TMEM62: variants seen among roughly 807,000 people sequenced by gnomAD.
TMEM62 encodes the protein transmembrane protein 62.
A neutral mutation model predicts 70.4 loss-of-function variants in TMEM62; 41 were observed. The ratio of observed to expected loss-of-function variants is 0.58; its 90% confidence interval spans 0.45 to 0.76. The LOEUF is 0.76. Among genes scored for constraint, TMEM62 ranks in the 30% least tolerant of loss-of-function variants. The probability of loss-of-function intolerance (pLI) is 0.00; values close to 1 mark genes in which losing one functional copy is unlikely to be tolerated. For missense variants in TMEM62, 688 were observed against 788.5 expected (o/e 0.87, Z 1.53); for synonymous variants, 268 against 291.0 (o/e 0.92, Z 0.80).
Position 43,149,020 on chromosome 15 carries a change from A to G in TMEM62, c.744-9A>G, listed in dbSNP as rs1335378982. ...TGTTCATTTATTTCATTTATTTTTC[A>G]TTGGTTAGTTCGGCTATAGCTTATT... is the stretch of plus-strand genomic sequence containing the variant. On this transcript the variant is annotated splice_polypyrimidine_tract_variant and intron_variant, in intron 6 of 13. Coordinates refer to ENST00000260403, the MANE Select transcript of TMEM62 (RefSeq NM_024956.4). 6.2e-7 allele frequency: 1 copy of G among 1,612,346 alleles called. No homozygotes were observed. The highest frequency in any genetic ancestry group is 8.5e-7 in the Non-Finnish European group (1 of 1,179,414).
At chr15:43,165,453 G>T (rs1217995500) in intron 10 of TMEM62, among the ~76,000 whole-genome samples, 2 of 152,044 alleles carry the variant, frequency 1.3e-5, no homozygotes, top group Non-Finnish European at 2.9e-5. Context: ...GTGATAGGAG[G>T]CTGGGTGCGG....
chr15:43,135,572 G>C lies in TMEM62; in HGVS notation c.353G>C (p.Trp118Ser). The C allele has an allele frequency of 1.9e-6, 3 of 1,611,818 alleles. No homozygotes were observed. The highest frequency in any genetic ancestry group is 2.5e-6 in the Non-Finnish European group (3 of 1,179,598). The change falls in exon 3 of 14, where the codon TGG (tryptophan) becomes TCG (serine). Residue 118 changes from tryptophan (W) to serine (S), a missense_variant. Physicochemically the swap from Trp to Ser is radical, Grantham distance 177. Coordinates refer to ENST00000260403, the MANE Select transcript of TMEM62 (RefSeq NM_024956.4). ...GGATCCAGGCAGCATGAGGTAGAAT[G>C]GCAAACCTACCAGGGTATTCTGAAG... Reference protein sequence around the residue: ...QLGSRQHEVEWQTYQGILKKT... With the variant: ...QLGSRQHEVESQTYQGILKKT...
intron 4 of TMEM62, among the ~76,000 whole-genome samples, chr15:43,145,719 C>T (rs2036587533): frequency 6.6e-6 from 1 of 152,124 alleles, no homozygotes; most frequent in Admixed American, 6.5e-5. Flanking sequence ...AGGTAAAAAT[C>T]ATGTAAGACA....
Position 43,167,875 on chromosome 15 carries a change from A to G in TMEM62, c.1297-1718A>G, listed in dbSNP as rs2039708562. 3.9e-5 allele frequency among the ~76,000 whole-genome samples: 6 copies of G among 152,246 alleles called. No homozygotes were observed. The Middle Eastern group carries it at 0.014, about 345-fold the overall frequency. ...ACGAGACTCCGTCTGCAATCCCGGC[A>G]CCTCGGGAGGCCGAGGCTGGCGGAT... On this transcript the variant is annotated intron_variant, in intron 10 of 13. Coordinates refer to ENST00000260403, the MANE Select transcript of TMEM62 (RefSeq NM_024956.4).
intron 4 of TMEM62, among the ~76,000 whole-genome samples, chr15:43,145,298 G>A (rs564592618): frequency 6.7e-6 from 1 of 149,640 alleles, no homozygotes; most frequent in Non-Finnish European, 1.5e-5. Flanking sequence ...TCCGCCTCCC[G>A]GGTTCAAGCC....
chr15:43,143,659 G>A (rs2141581114), intron 4 of TMEM62, among the ~76,000 whole-genome samples: 1 of 152,294 alleles, frequency 6.6e-6, no homozygotes, highest in South Asian at 2.1e-4. Flanking sequence ...TGGCTGGAGA[G>A]CCCAGTTAGT....
At chr15:43,156,636 A>AAT (rs1567205537) in intron 9 of TMEM62, among the ~76,000 whole-genome samples, 1 of 152,152 alleles carries the variant, frequency 6.6e-6, no homozygotes, top group African/African-American at 2.4e-5. Flanking sequence ...AGAAAAAAAA[A>AAT]CCATAGCTTA....
chr15:43,138,205 G>T (rs748196387), intron 3 of TMEM62, among the ~76,000 whole-genome samples: 1 of 152,148 alleles, frequency 6.6e-6, no homozygotes, highest in African/African-American at 2.4e-5. Context: ...TAGCCATACT[G>T]GTTCTAGGAG....
At chr15:43,169,548 G>A (rs762236417) in intron 10 of TMEM62, 45 bp from the exon 11 acceptor site, 2 of 1,506,770 alleles carry the variant, frequency 1.3e-6, no homozygotes, top group South Asian at 1.2e-5. Flanking sequence ...TTAACTGAAA[G>A]TGTACCCATG....
At chr15:43,144,132 G>C (rs907582114) in intron 4 of TMEM62, among the ~76,000 whole-genome samples, 1 of 152,224 alleles carries the variant, frequency 6.6e-6, no homozygotes, top group East Asian at 1.9e-4. Flanking sequence ...GAAGCAAAAA[G>C]TGTGTCCAAT....
chr15:43,181,184 C>CAT lies in TMEM62; in HGVS notation c.1491_1492dup (p.Trp498TyrfsTer31), dbSNP rs750762715. 3 of 1,607,854 alleles carry CAT rather than the reference C, an allele frequency of 1.9e-6. No homozygotes were observed. The South Asian group carries it at 3.3e-5, about 18-fold the overall frequency. ...TTTTGTCCATTGCCTCTTTTAGGTC[C>CAT]ATGGTTTTTTGGTGAAATCATTGAT... On this transcript the variant is annotated frameshift_variant, in exon 13 of 14. Coordinates refer to ENST00000260403, the MANE Select transcript of TMEM62 (RefSeq NM_024956.4). LOFTEE classifies it high-confidence loss of function.
intron 10 of TMEM62, among the ~76,000 whole-genome samples, chr15:43,161,803 G>A (rs2038735524): frequency 6.6e-6 from 1 of 152,050 alleles, no homozygotes; most frequent in Admixed American, 6.5e-5. Context: ...TGGGATTACA[G>A]GTGCCTGCCA....
chr15:43,164,033 C>T (rs1271425191), intron 10 of TMEM62, among the ~76,000 whole-genome samples: 3 of 152,006 alleles, frequency 2.0e-5, no homozygotes, highest in African/African-American at 7.2e-5. Flanking sequence ...TTTTTTTATT[C>T]TTATAGAACT....
intron 10 of TMEM62, 102 bp from the exon 11 acceptor site, chr15:43,169,491 T>C (rs1326048691): frequency 2.1e-6 from 2 of 966,740 alleles, no homozygotes; most frequent in African/African-American, 3.3e-5. Context: ...TATCACAGTA[T>C]CACAGATGCC....
intron 11 of TMEM62, among the ~76,000 whole-genome samples, chr15:43,174,995 A>T (rs921219863): frequency 6.6e-6 from 1 of 152,084 alleles, no homozygotes; most frequent in Non-Finnish European, 1.5e-5. Context: ...GCTGCCTAAG[A>T]TCTCCCTCTA....
chr15:43,149,191 A>C (rs2037060733), intron 7 of TMEM62, 40 bp downstream of exon 7: 1 of 1,597,584 alleles, frequency 6.3e-7, no homozygotes, highest in Non-Finnish European at 8.5e-7. Flanking sequence ...TATACACATA[A>C]GTTTTGCCAA....
rs2035588895 is a variant in TMEM62 at position 43,138,726 on chromosome 15, C to G, written c.476+107C>G. 5.3e-6 allele frequency: 5 copies of G among 952,158 alleles called. No individual in the cohort carries two copies. In the Admixed American group the frequency reaches 1.1e-4, roughly 21 times the overall value. 59.0% of individuals were successfully genotyped at this position (952,158 alleles called of 1,614,324 possible). On this transcript the variant is annotated intron_variant, in intron 4 of 13. Transcript: ENST00000260403. ...AACTTTAAAAAAACATTTTAAGAGGCAGGGGTCTCGCTATTTTGCCCAGGC... is the reference window on the plus strand; with the variant it reads ...AACTTTAAAAAAACATTTTAAGAGGGAGGGGTCTCGCTATTTTGCCCAGGC...
At position 43,181,989 on chromosome 15, in the gene TMEM62, T is replaced by TA. The variant is rs149397172; in HGVS notation, c.1605+696dup. On this transcript the variant is annotated intron_variant, in intron 13 of 13. Coordinates refer to ENST00000260403, the MANE Select transcript of TMEM62 (RefSeq NM_024956.4). Reference sequence around the variant, plus strand: ...GGAAAATATTTTAGAGGGAGGAAACTAAAAAATAGACACATTAAAAAAATG... The same window carrying TA: ...GGAAAATATTTTAGAGGGAGGAAACTAAAAAAATAGACACATTAAAAAAATG... Among the ~76,000 whole-genome samples the TA allele has an allele frequency of 5.2e-3, 792 of 152,224 alleles. 3 individuals are homozygous for TA. Among genetic ancestry groups the TA allele is most frequent in the African/African-American group, 0.018 (763 of 41,526 alleles).
rs372947734 is a variant in TMEM62 at position 43,149,096 on chromosome 15, C to A, written c.811C>A (p.Arg271Ser). ...LGGLMPVLHT[R>S]HFQGTLELEV... ...TGGACTGATGCCTGTTTTGCACACT[C>A]GTCACTTCCAGGGCACTTTGGAACT... The change falls in exon 7 of 14, where the codon CGT (arginine) becomes AGT (serine). Residue 271 changes from arginine to serine, a missense_variant. By Grantham distance (110) the Arg-to-Ser change is moderately radical (BLOSUM62 -1). Transcript: ENST00000260403. 2 of 1,613,998 alleles carry A rather than the reference C, an allele frequency of 1.2e-6. No homozygotes were observed. The highest frequency in any genetic ancestry group is 2.2e-5 in the South Asian group (2 of 91,072).
Sources: allele counts gnomAD v4.1 joint callset (sites outside exome capture counted in the v4.1 genomes callset), GRCh38; gene constraint gnomAD v4.1.1; transcripts MANE v1.5; gene names NCBI Gene and HGNC (gene_info 2026-07-23, HGNC 2026-07-21).